The following SH3BGRL variants were observed in gnomAD, a reference collection of about 807,000 sequenced individuals.
SH3BGRL encodes the protein adapter SH3BGRL.
In SH3BGRL, 7 loss-of-function variants were observed where a neutral mutation model predicts 9.8. The ratio of observed to expected loss-of-function variants is 0.72; its 90% confidence interval spans 0.41 to 1.35. SH3BGRL has a LOEUF of 1.35. Among genes scored for constraint, SH3BGRL ranks in the 40% most tolerant of loss-of-function variants. The probability of loss-of-function intolerance (pLI) is 0.01; values close to 1 mark genes in which losing one functional copy is unlikely to be tolerated. For missense variants in SH3BGRL, 73 were observed against 84.4 expected (o/e 0.86, Z 0.53); for synonymous variants, 36 against 29.1 (o/e 1.24, Z -0.76).
chrX:81,259,294 A>T (rs1305625093), intron 1 of SH3BGRL, among the ~76,000 whole-genome samples: 5 of 111,919 alleles, frequency 4.5e-5, no homozygotes, highest in African/African-American at 1.6e-4. Context: ...TAGGATGTGG[A>T]TTGTCTTTGT....
intron 1 of SH3BGRL, among the ~76,000 whole-genome samples, chrX:81,257,375 A>G (rs1004472193): frequency 8.9e-6 from 1 of 111,939 alleles, no homozygotes; most frequent in Non-Finnish European, 1.9e-5. Context: ...CTGTGTAACA[A>G]ATACTAAGTA....
intron 1 of SH3BGRL, among the ~76,000 whole-genome samples, chrX:81,211,118 T>C (rs2075561766): frequency 8.9e-6 from 1 of 112,208 alleles, no homozygotes; most frequent in Non-Finnish European, 1.9e-5. Context: ...CATAAAACTT[T>C]CTTTGCCTCT....
At chrX:81,209,475 G>C (rs1236117514) in intron 1 of SH3BGRL, among the ~76,000 whole-genome samples, 1 of 111,006 alleles carries the variant, frequency 9.0e-6, no homozygotes, top group Non-Finnish European at 1.9e-5. Flanking sequence ...AATTGGAGGG[G>C]GTATCTCTAA....
At chrX:81,230,754 C>T (rs1183662219) in intron 1 of SH3BGRL, among the ~76,000 whole-genome samples, 3 of 111,581 alleles carry the variant, frequency 2.7e-5, no homozygotes, top group Non-Finnish European at 5.6e-5. Flanking sequence ...GCACTATTTT[C>T]GTCCATATAA....
Position 81,238,171 on chromosome X carries a change from A to G in SH3BGRL, c.45+35926A>G, listed in dbSNP as rs903625846. 1.9e-4 allele frequency among the ~76,000 whole-genome samples: 21 copies of G among 110,453 alleles called. No individual in the cohort carries two copies. The Admixed American group carries it at 2.0e-3, about 11-fold the overall frequency. On this transcript the variant is annotated intron_variant, in intron 1 of 3. Transcript: ENST00000373212. The stretch of plus-strand genomic sequence containing the variant: ...CCCGCTTGGCTGGCCACAGGAGGGT[A>G]GAGCATCAGGCAAGCTCTTGGAGTC...
intron 1 of SH3BGRL, among the ~76,000 whole-genome samples, chrX:81,263,392 T>C (rs1324614882): frequency 1.8e-5 from 2 of 111,761 alleles, no homozygotes; most frequent in Non-Finnish European, 3.8e-5. Flanking sequence ...TCTTTGAATT[T>C]CAGCCTTTGG....
chrX:81,216,388 G>A (rs1268452993), intron 1 of SH3BGRL, among the ~76,000 whole-genome samples: 1 of 111,070 alleles, frequency 9.0e-6, no homozygotes, highest in African/African-American at 3.3e-5. Flanking sequence ...AATCACATCA[G>A]GATAAATAGG....
At chrX:81,284,442 T>C (rs2075828135) in intron 3 of SH3BGRL, among the ~76,000 whole-genome samples, 1 of 109,289 alleles carries the variant, frequency 9.2e-6, no homozygotes, top group Admixed American at 9.8e-5. Flanking sequence ...AATTAATGAG[T>C]TGCTTGTGCC....
intron 3 of SH3BGRL, among the ~76,000 whole-genome samples, chrX:81,284,523 G>C (rs1473559873): frequency 9.0e-6 from 1 of 111,006 alleles, no homozygotes; most frequent in Non-Finnish European, 1.9e-5. Context: ...ATGAAGAAAA[G>C]ATCATGGAGG....
At chrX:81,237,781 A>G (rs780014955) in intron 1 of SH3BGRL, among the ~76,000 whole-genome samples, 6 of 107,126 alleles carry the variant, frequency 5.6e-5, no homozygotes, top group Non-Finnish European at 9.6e-5. Context: ...TGCTGTCATC[A>G]CCCCTCCTTT....
intron 1 of SH3BGRL, among the ~76,000 whole-genome samples, chrX:81,246,782 G>C (rs1411788115): frequency 9.0e-6 from 1 of 111,096 alleles, no homozygotes; most frequent in Admixed American, 9.6e-5. Flanking sequence ...GGATTTCTAG[G>C]GCTATTTGGG....
chrX:81,266,498 C>A (rs1312973531), intron 1 of SH3BGRL, among the ~76,000 whole-genome samples: 1 of 111,555 alleles, frequency 9.0e-6, no homozygotes, highest in Admixed American at 9.5e-5. Flanking sequence ...TCAGATTTAT[C>A]GAAGATCAGA....
At chrX:81,212,697 C>G (rs2075569019) in intron 1 of SH3BGRL, among the ~76,000 whole-genome samples, 1 of 111,274 alleles carries the variant, frequency 9.0e-6, no homozygotes, top group African/African-American at 3.3e-5. Flanking sequence ...TAATCTGACT[C>G]AACCCATGAG....
chrX:81,204,813 C>A (rs1473584145), intron 1 of SH3BGRL, among the ~76,000 whole-genome samples: 3 of 112,181 alleles, frequency 2.7e-5, no homozygotes, highest in African/African-American at 9.7e-5. Flanking sequence ...CAGAGCGAGA[C>A]TTTCTCTCAA....
chrX:81,202,512 G>C (rs900784010), intron 1 of SH3BGRL: 3 of 959,456 alleles, frequency 3.1e-6, no homozygotes, highest in African/African-American at 4.1e-5. Flanking sequence ...ACCAAGTTTT[G>C]GGAGATGGGA....
intron 1 of SH3BGRL, among the ~76,000 whole-genome samples, chrX:81,212,299 G>A (rs1339310080): frequency 9.0e-6 from 1 of 111,321 alleles, no homozygotes; most frequent in African/African-American, 3.3e-5. Context: ...ATGTTGAGGG[G>A]ACAATCAGGG....
rs1275936520 is a variant in SH3BGRL at position 81,226,465 on chromosome X, G to A, written c.45+24220G>A. ...TTTAATCCAAAAGTCTTAAGTGTAAGTCTTCAGTGTAGTCTTGGATATATT... is the reference window on the plus strand; with the variant it reads ...TTTAATCCAAAAGTCTTAAGTGTAAATCTTCAGTGTAGTCTTGGATATATT... On this transcript the variant is annotated intron_variant, in intron 1 of 3. Transcript: ENST00000373212. Among the ~76,000 whole-genome samples, 12 of 103,455 alleles carry A rather than the reference G, an allele frequency of 1.2e-4. No homozygotes were observed. In the Admixed American group the frequency reaches 1.2e-3, roughly 10 times the overall value. The allele number at this position is 103,455 out of a possible 115,157, so 89.8% of individuals were successfully genotyped here.
rs754298207 is a variant in SH3BGRL, at chrX:81,208,488, T to A, written c.45+6243T>A. On this transcript the variant is annotated intron_variant, in intron 1 of 3. Transcript: ENST00000373212. Reference sequence around the variant, plus strand: ...ATATTGTGCAATTAACCAAGTATCATTTACAAAAACATTTCCTGCTTTAAT... The same window carrying A: ...ATATTGTGCAATTAACCAAGTATCAATTACAAAAACATTTCCTGCTTTAAT... Among the ~76,000 whole-genome samples the A allele has an allele frequency of 4.5e-5, 5 of 112,236 alleles. No homozygotes were observed. In the East Asian group the frequency reaches 1.4e-3, roughly 31 times the overall value.
chrX:81,281,916 A>C (rs768002273), intron 3 of SH3BGRL, among the ~76,000 whole-genome samples: 22 of 112,082 alleles, frequency 2.0e-4, no homozygotes, highest in African/African-American at 5.8e-4. Context: ...GAACTCGCCA[A>C]CCAACTATCT....
Sources: gnomAD v4.1 joint callset for allele counts (sites outside exome capture counted in the v4.1 genomes callset) on GRCh38, gnomAD v4.1.1 for gene constraint, MANE v1.5 for transcripts, NCBI Gene and HGNC (gene_info 2026-07-23, HGNC 2026-07-21) for gene names.